The following NSUN5 variants were observed in gnomAD, a reference collection of about 807,000 sequenced individuals.
NSUN5 encodes NOP2/Sun RNA methyltransferase 5, also known as 28S rRNA (cytosine-C(5))-methyltransferase.
A neutral mutation model predicts 51.1 loss-of-function variants in NSUN5; 39 were observed. That is an observed-to-expected ratio of 0.76 (90% confidence interval 0.59 to 1.00). The LOEUF (loss-of-function observed/expected upper bound fraction) is 1.00, where lower values mean the gene tolerates loss of function less well. NSUN5 is among the 50% of genes least tolerant of loss of function. The pLI, the probability that NSUN5 is intolerant of heterozygous loss-of-function variation, is 0.00. For missense variants in NSUN5, 526 were observed against 614.0 expected, an observed-to-expected ratio of 0.86 and a Z score of 1.51; for synonymous variants, 266 against 271.5, an observed-to-expected ratio of 0.98 and a Z score of 0.20.
At chr7:73,303,794 C>A (rs767712977) in intron 8 of NSUN5, 32 bp downstream of exon 8, 4 of 1,613,808 alleles carry the variant, frequency 2.5e-6, no homozygotes, top group East Asian at 2.2e-5. Context: ...CCCCGTCCCC[C>A]ACTCCCCACG....
At chr7:73,305,528 G>C (rs1348133578) in intron 4 of NSUN5, among the ~76,000 whole-genome samples, 25 of 148,340 alleles carry the variant, frequency 1.7e-4, no homozygotes, top group Non-Finnish European at 5.9e-5. Context: ...GCAGTGGCGC[G>C]ATCTCGGCTC....
In NSUN5 at chr7:73,305,112, C is replaced by A; in HGVS notation, c.501-15G>T. ...AGTCATCGAGGCTGCCAGGGAAGAACCATTCATTCATTTCCTGAATTTCTC... is the reference window on the plus strand; with the variant it reads ...AGTCATCGAGGCTGCCAGGGAAGAAACATTCATTCATTTCCTGAATTTCTC... On this transcript the variant is annotated splice_polypyrimidine_tract_variant and intron_variant, in intron 4 of 9. Transcript: ENST00000438747. The A allele has an allele frequency of 6.2e-7, 1 of 1,609,874 alleles. No homozygotes were observed. Among genetic ancestry groups the A allele is most frequent in the African/African-American group, 1.3e-5 (1 of 74,944 alleles).
At chr7:73,305,868 T>C (rs1432010261) in intron 4 of NSUN5, among the ~76,000 whole-genome samples, 7 of 151,738 alleles carry the variant, frequency 4.6e-5, no homozygotes, top group Non-Finnish European at 5.9e-5. Flanking sequence ...CCAAGCAACA[T>C]GGTAGAGGCA....
chr7:73,307,258 A>G (rs1804075899), intron 4 of NSUN5, 136 bp downstream of exon 4: 1 of 649,094 alleles, frequency 1.5e-6, no homozygotes, highest in South Asian at 1.9e-5. Flanking sequence ...CAGGAAGACA[A>G]ACCTTGGAGA....
Position 73,303,237 on chromosome 7 carries a change from G to C in NSUN5, c.*178C>G, listed in dbSNP as rs1489117566. The C allele has an allele frequency of 6.3e-7, 1 of 1,589,110 alleles. No homozygotes were observed. The highest frequency in any genetic ancestry group is 8.6e-7 in the Non-Finnish European group (1 of 1,166,158). ...AAAACTGTGATCTATCGTAGAGTACGTTCTGCATTTTATTTTTGCAGGCAA... is the reference window on the plus strand; with the variant it reads ...AAAACTGTGATCTATCGTAGAGTACCTTCTGCATTTTATTTTTGCAGGCAA... On this transcript the variant is annotated 3_prime_UTR_variant, in exon 10 of 10. Coordinates refer to ENST00000438747, the MANE Select transcript of NSUN5 (RefSeq NM_148956.4).
In NSUN5 at chr7:73,308,760, A is replaced by G. The variant is rs564759726; in HGVS notation, c.31T>C (p.Leu11=). Residue 11 remains leucine (L), a synonymous_variant, in exon 1 of 10, where the codon TTG becomes CTG. Transcript: ENST00000438747. The stretch of plus-strand genomic sequence containing the variant: ...CCCTGGCGGCTCTCCACGCCGGCCA[A>G]CACGCCTGCAGCTGCAGCATACAGC... MGLYAAAAGV[L]AGVESRQGSI... The G allele has an allele frequency of 4.3e-6, 7 of 1,613,000 alleles. No individual in the cohort carries two copies. Among genetic ancestry groups the G allele is most frequent in the East Asian group, 2.2e-5 (1 of 44,858 alleles).
Position 73,308,783 on chromosome 7 carries a change from A to G in NSUN5, c.8T>C (p.Leu3Pro). The change falls in exon 1 of 10, where the codon CTG (leucine) becomes CCG (proline). Residue 3 changes from leucine to proline, a missense_variant. Transcript: ENST00000438747. MG[L>P]YAAAAGVLAG... ...CAACACGCCTGCAGCTGCAGCATAC[A>G]GCCCCATGTTCCCGCGCGCCTTTAC... The G allele has an allele frequency of 6.2e-7, 1 of 1,612,930 alleles. No individual in the cohort carries two copies. Among genetic ancestry groups the G allele is most frequent in the Non-Finnish European group, 8.5e-7 (1 of 1,179,670 alleles).
intron 2 of NSUN5, 40 bp from the exon 3 acceptor site, chr7:73,307,797 A>G: frequency 1.3e-6 from 2 of 1,496,188 alleles, no homozygotes; most frequent in Non-Finnish European, 1.8e-6. Context: ...AAAATGCCCT[A>G]AGCATGAAGC....
At chr7:73,307,783 A>C (rs1270703978) in intron 2 of NSUN5, 26 bp from the exon 3 acceptor site, 2 of 1,522,204 alleles carry the variant, frequency 1.3e-6, no homozygotes, top group Non-Finnish European at 1.8e-6. Flanking sequence ...CAAAGACAAA[A>C]ACAAAAATGC....
rs782732595 is a variant in NSUN5, at chr7:73,304,846, G to A, written c.656C>T (p.Ala219Val). The A allele has an allele frequency of 3.7e-6, 6 of 1,613,898 alleles. No individual in the cohort carries two copies. Among genetic ancestry groups the A allele is most frequent in the South Asian group, 1.1e-5 (1 of 91,072 alleles). The change falls in exon 6 of 10, where the codon GCC becomes GTC. Residue 219 changes from alanine (A) to valine (V), a missense_variant. Transcript: ENST00000438747. ...GCCTGGCGGGGGGTCCAGCAGCATG[G>A]CTGGGAGACAGCTGGCCTGGCAGGC... The part of the protein sequence containing the change: ...ILQDRASCLP[A>V]MLLDPPPGSH...
chr7:73,308,678 C>T lies in NSUN5; in HGVS notation c.93+20G>A. 6.8e-7 allele frequency: 1 copy of T among 1,480,020 alleles called. No homozygotes were observed. Among genetic ancestry groups the T allele is most frequent in the East Asian group, 2.7e-5 (1 of 36,830 alleles). 91.7% of individuals were successfully genotyped at this position (1,480,020 alleles called of 1,614,324 possible). On this transcript the variant is annotated intron_variant, in intron 1 of 9. Coordinates refer to ENST00000438747, the MANE Select transcript of NSUN5 (RefSeq NM_148956.4). ...GGTTCCTCACTCCCCACCCCTACTA[C>T]TCGCGCCCAGGTCCGCTACCTGGAA...
intron 4 of NSUN5, among the ~76,000 whole-genome samples, 200 bp from the exon 5 acceptor site, chr7:73,305,297 CA>C: frequency 6.6e-6 from 1 of 152,086 alleles, no homozygotes. Context: ...TACTGTTTAC[CA>C]GCAGTGGGAG....
In NSUN5 at chr7:73,304,953, G is replaced by A. The variant is rs1803976476; in HGVS notation, c.639+6C>T. ...CATTCTTCCCTTTTCTATTCCTCTT[G>A]CCTACCCTGTCCTGCAGAATGAGGT... is the stretch of plus-strand genomic sequence containing the variant. On this transcript the variant is annotated splice_donor_region_variant and intron_variant, in intron 5 of 9. Transcript: ENST00000438747. 2.5e-6 allele frequency: 4 copies of A among 1,610,852 alleles called. No individual in the cohort carries two copies. The African/African-American group carries it at 5.3e-5, about 22-fold the overall frequency.
At chr7:73,306,064 G>C (rs1554541775) in intron 4 of NSUN5, among the ~76,000 whole-genome samples, 1 of 152,116 alleles carries the variant, frequency 6.6e-6, no homozygotes, top group African/African-American at 2.4e-5. Context: ...GAGAAAGCAG[G>C]AGGGACAGCA....
At chr7:73,306,824 A>G (rs1463146551) in intron 4 of NSUN5, among the ~76,000 whole-genome samples, 1 of 151,564 alleles carries the variant, frequency 6.6e-6, no homozygotes, top group African/African-American at 2.4e-5. Flanking sequence ...GTGAGCCAAG[A>G]TCATGCCACT....
Position 73,303,615 on chromosome 7 carries a change from C to T in NSUN5, c.1271G>A (p.Arg424Gln), listed in dbSNP as rs201057912. ...ACTCACTCACCTTGGCACCTCGACCCGTTCAATTACAGCAACGAAGAAGCC... is the reference window on the plus strand; with the variant it reads ...ACTCACTCACCTTGGCACCTCGACCTGTTCAATTACAGCAACGAAGAAGCC... ...SSGFFVAVIE[R>Q]VEVPSSASQA... The change falls in exon 9 of 10, where the codon CGG becomes CAG. Residue 424 changes from arginine (R) to glutamine (Q), a missense_variant. Physicochemically the swap from Arg to Gln is conservative, Grantham distance 43. Transcript: ENST00000438747. 1.4e-4 allele frequency: 223 copies of T among 1,614,062 alleles called. No individual in the cohort carries two copies. The highest frequency in any genetic ancestry group is 8.9e-5 in the East Asian group (4 of 44,882).
Position 73,308,426 on chromosome 7 carries a change from C to T in NSUN5, c.216+5G>A, listed in dbSNP as rs1563293173. Reference sequence around the variant, plus strand: ...TTCACTTCCCCGTCCCTCCCCTCCCCTCACCTTGGCCAGGTGCGGCCGCAG... The same window carrying T: ...TTCACTTCCCCGTCCCTCCCCTCCCTTCACCTTGGCCAGGTGCGGCCGCAG... On this transcript the variant is annotated splice_donor_5th_base_variant and intron_variant, in intron 2 of 9. Coordinates refer to ENST00000438747, the MANE Select transcript of NSUN5 (RefSeq NM_148956.4). 2.5e-6 allele frequency: 4 copies of T among 1,596,440 alleles called. No homozygotes were observed. The highest frequency in any genetic ancestry group is 3.4e-6 in the Non-Finnish European group (4 of 1,169,502).
At chr7:73,307,063 T>A (rs1246175374) in intron 4 of NSUN5, among the ~76,000 whole-genome samples, 2 of 151,994 alleles carry the variant, frequency 1.3e-5, no homozygotes, top group Non-Finnish European at 2.9e-5. Context: ...AGATGACAAA[T>A]GCAGCGACTG....
chr7:73,303,483 G>C lies in NSUN5; in HGVS notation c.1333C>G (p.Pro445Ala). Reference protein sequence around the residue: ...KASAPERTPSPAPKRKKRQQR... With the variant: ...KASAPERTPSAAPKRKKRQQR... ...TGTCTCTTCTTTCTCTTTGGGGCTG[G>C]GCTGGGTGTGCGTTCTGGTGCTGAT... Residue 445 changes from proline to alanine, a missense_variant, in exon 10 of 10, where the codon CCA becomes GCA. Pro to Ala is a conservative substitution (Grantham distance 27, BLOSUM62 -1). Coordinates refer to ENST00000438747, the MANE Select transcript of NSUN5 (RefSeq NM_148956.4). 1 of 1,614,186 alleles carries C rather than the reference G, an allele frequency of 6.2e-7. No individual in the cohort carries two copies. The highest frequency in any genetic ancestry group is 8.5e-7 in the Non-Finnish European group (1 of 1,180,048).
Sources: gnomAD v4.1 joint callset for allele counts (sites outside exome capture counted in the v4.1 genomes callset) on GRCh38, gnomAD v4.1.1 for gene constraint, MANE v1.5 for transcripts, NCBI Gene and HGNC (gene_info 2026-07-23, HGNC 2026-07-21) for gene names.